Variants in DIAPH2 observed in about 807,000 individuals in gnomAD.
DIAPH2 encodes protein diaphanous homolog 2.
DIAPH2 carries 35 observed loss-of-function variants against 92.7 expected under a neutral mutation model. The ratio of observed to expected loss-of-function variants is 0.38; its 90% CI spans 0.29 to 0.50. The LOEUF is 0.50. DIAPH2 is among the 20% of genes least tolerant of loss of function. DIAPH2 has a pLI of 0.94. For missense variants in DIAPH2, 701 were observed against 819.5 expected (o/e 0.86, Z 1.77); for synonymous variants, 301 against 280.4 (o/e 1.07, Z -0.73).
chrX:96,937,660 G>A (rs1204470226), intron 11 of DIAPH2, among the ~76,000 whole-genome samples: 1 of 111,197 alleles, frequency 9.0e-6, no homozygotes, highest in African/African-American at 3.3e-5. Context: ...ATTTTTTTGG[G>A]GAAAATTTCA....
At chrX:97,352,661 A>T (rs1239684272) in intron 24 of DIAPH2, among the ~76,000 whole-genome samples, 1 of 108,609 alleles carries the variant, frequency 9.2e-6, no homozygotes, top group Non-Finnish European at 1.9e-5. Flanking sequence ...CGAGGTCAGG[A>T]GATCGAGACC....
At chrX:96,746,946 TA>T (rs2064154303) in intron 3 of DIAPH2, among the ~76,000 whole-genome samples, 1 of 111,891 alleles carries the variant, frequency 8.9e-6, no homozygotes, top group African/African-American at 3.3e-5. Flanking sequence ...TTGGATGAAA[TA>T]TCTCCTCAAT....
intron 17 of DIAPH2, among the ~76,000 whole-genome samples, chrX:97,041,939 G>T (rs957105823): frequency 7.2e-5 from 8 of 111,129 alleles, no homozygotes; most frequent in Non-Finnish European, 1.3e-4. Context: ...TATTACTCTT[G>T]CAGAGGTTAT....
In DIAPH2 at chrX:96,940,886, A is replaced by G. The variant is rs1465471669; in HGVS notation, c.1326-1132A>G. Among the ~76,000 whole-genome samples, 3 of 111,422 alleles carry G rather than the reference A, an allele frequency of 2.7e-5. No individual in the cohort carries two copies. In the Admixed American group the frequency reaches 2.9e-4, roughly 11 times the overall value. On this transcript the variant is annotated intron_variant, in intron 12 of 26. Transcript: ENST00000324765. Reference sequence around the variant, plus strand: ...AAATAAGAAGTTATCCTCATATGGCATGTTTTTCATCCTAAGAACATCCAT... The same window carrying G: ...AAATAAGAAGTTATCCTCATATGGCGTGTTTTTCATCCTAAGAACATCCAT...
intron 19 of DIAPH2, 122 bp from the exon 20 acceptor site, chrX:97,099,572 T>C: frequency 2.5e-6 from 1 of 406,986 alleles, no homozygotes; most frequent in South Asian, 7.3e-5. Flanking sequence ...GATACTCTGG[T>C]ACCATAACAG....
intron 1 of DIAPH2, among the ~76,000 whole-genome samples, chrX:96,697,026 G>A (rs1485596277): frequency 3.6e-5 from 4 of 110,933 alleles, no homozygotes; most frequent in Non-Finnish European, 7.5e-5. Flanking sequence ...TGCAGGAGAG[G>A]AACTCTGAGC....
At chrX:97,591,996 C>G (rs1270677733) in intron 26 of DIAPH2, among the ~76,000 whole-genome samples, 1 of 112,038 alleles carries the variant, frequency 8.9e-6, no homozygotes, top group Non-Finnish European at 1.9e-5. Context: ...CTTAACCATA[C>G]TTTTCTAAGA....
rs144770464 is a variant in DIAPH2, at chrX:97,051,362, G to C, written c.2051-21579G>C. 1.3e-3 allele frequency among the ~76,000 whole-genome samples: 138 copies of C among 110,049 alleles called. 4 individuals carry two copies. The East Asian group carries it at 0.034, about 27-fold the overall frequency. On this transcript the variant is annotated intron_variant, in intron 17 of 26. Coordinates refer to ENST00000324765, the MANE Select transcript of DIAPH2 (RefSeq NM_006729.5). ...CACAGCTGCTGGCTTGGTGGGTTTG[G>C]GGGGTGTGTTTAGCAGATGCTTCCA...
rs767881979 is a variant in DIAPH2 at position 96,765,490 on chromosome X, C to G, written c.447+7232C>G. On this transcript the variant is annotated intron_variant, in intron 4 of 26. Coordinates refer to ENST00000324765, the MANE Select transcript of DIAPH2 (RefSeq NM_006729.5). The stretch of plus-strand genomic sequence containing the variant: ...CTGAGATTACAGGCGTGAGCCACCA[C>G]GTCCGGTCCACATAATTCTATTATA... Among the ~76,000 whole-genome samples the G allele has an allele frequency of 3.6e-3, 402 of 111,483 alleles. 4 individuals carry two copies. Among genetic ancestry groups the G allele is most frequent in the South Asian group, 0.015 (40 of 2,636 alleles).
chrX:96,803,237 C>T (rs1053376529), intron 4 of DIAPH2, among the ~76,000 whole-genome samples: 2 of 111,530 alleles, frequency 1.8e-5, no homozygotes, highest in Admixed American at 1.9e-4. Context: ...ACACCCCTAC[C>T]AGTAGTTATA....
chrX:97,552,565 C>CTT (rs758110409), intron 26 of DIAPH2, among the ~76,000 whole-genome samples: 1 of 95,460 alleles, frequency 1.0e-5, no homozygotes, highest in Admixed American at 1.1e-4. Flanking sequence ...ACACATTTTT[C>CTT]TTTTTTTTTT....
rs992313579 is a variant in DIAPH2, at chrX:96,998,976, A to G, written c.2050+33769A>G. 2.7e-5 allele frequency among the ~76,000 whole-genome samples: 3 copies of G among 112,274 alleles called. No individual in the cohort carries two copies. The Admixed American group carries it at 2.8e-4, about 11-fold the overall frequency. On this transcript the variant is annotated intron_variant, in intron 17 of 26. Coordinates refer to ENST00000324765, the MANE Select transcript of DIAPH2 (RefSeq NM_006729.5). ...GTTGTAATCGTTTTTATCACTGTCA[A>G]TAATGTCCACTTATTATAGCAGCAG...
At chrX:96,953,409 C>T (rs1202770897) in intron 15 of DIAPH2, among the ~76,000 whole-genome samples, 1 of 111,147 alleles carries the variant, frequency 9.0e-6, no homozygotes. Context: ...TTTAGGAGTT[C>T]ACAAATTCCT....
intron 4 of DIAPH2, among the ~76,000 whole-genome samples, chrX:96,818,264 C>A: frequency 9.1e-6 from 1 of 109,883 alleles, no homozygotes; most frequent in Non-Finnish European, 1.9e-5. Flanking sequence ...CAGGTGTGAG[C>A]CGCGGTGCCT....
chrX:96,815,549 T>C (rs1452500608), intron 4 of DIAPH2, among the ~76,000 whole-genome samples: 1 of 112,127 alleles, frequency 8.9e-6, no homozygotes, highest in Admixed American at 9.4e-5. Flanking sequence ...GCCCAAGCAG[T>C]CCCAATGAGA....
intron 22 of DIAPH2, among the ~76,000 whole-genome samples, chrX:97,201,736 A>T (rs1380214898): frequency 1.8e-5 from 2 of 110,816 alleles, no homozygotes; most frequent in African/African-American, 6.6e-5. Context: ...AAGTTGGAAA[A>T]CACACTTCAG....
intron 4 of DIAPH2, among the ~76,000 whole-genome samples, chrX:96,810,873 T>A (rs1602527447): frequency 1.8e-5 from 2 of 111,832 alleles, no homozygotes; most frequent in South Asian, 7.5e-4. Context: ...GTTCCACTGG[T>A]CTGTTTCTCT....
At chrX:97,246,077 A>T (rs868137500) in intron 22 of DIAPH2, among the ~76,000 whole-genome samples, 1,213 of 81,021 alleles carry the variant, frequency 0.015, 9 homozygotes, top group Non-Finnish European at 0.025. Context: ...TAATTTTTGT[A>T]TTTTTTTTTT....
chrX:96,943,182 C>T (rs1466570359), intron 13 of DIAPH2, among the ~76,000 whole-genome samples: 1 of 110,844 alleles, frequency 9.0e-6, no homozygotes, highest in African/African-American at 3.3e-5. Flanking sequence ...CCACATTAAC[C>T]TTCAAAATGT....
Sources: gnomAD v4.1 joint callset for allele counts (sites outside exome capture counted in the v4.1 genomes callset) on GRCh38, gnomAD v4.1.1 for gene constraint, MANE v1.5 for transcripts, NCBI Gene and HGNC (gene_info 2026-07-23, HGNC 2026-07-21) for gene names.